Variants in COL22A1 observed in about 807,000 individuals in gnomAD.
COL22A1 encodes the protein collagen type XXII alpha 1 chain.
A neutral mutation model predicts 248.9 loss-of-function variants in COL22A1; 221 were observed. The observed-to-expected ratio is 0.89, with a 90% CI of 0.80 to 0.99. The LOEUF (loss-of-function observed/expected upper bound fraction) is 0.99, where lower values mean the gene tolerates loss of function less well. Among genes scored for constraint, COL22A1 ranks in the 50% least tolerant of loss-of-function variants. The pLI is 0.00. For synonymous variants in COL22A1, 891 were observed against 793.4 expected (o/e 1.12, Z -2.07); for missense variants, 2,240 against 2,179.0 (o/e 1.03, Z -0.56).
chr8:138,796,389 CTTTTTTTTTTTTTTTTT>C lies in COL22A1; in HGVS notation c.1596+413_1596+429del, dbSNP rs11284610. Among the ~76,000 whole-genome samples, 27 of 26,318 alleles carry C rather than the reference CTTTTTTTTTTTTTTTTT, an allele frequency of 1.0e-3. 1 individual carries two copies. Among genetic ancestry groups the C allele is most frequent in the African/African-American group, 3.5e-3 (26 of 7,466 alleles). 17.3% of individuals were successfully genotyped at this position (26,318 alleles called of 152,430 possible). ...TTTTTTTCTCTTGCTTGCTACTTTC[CTTTTTTTTTTTTTTTTT>C]TTTTTTTTTTTTGGTTTTTGGCATT... On this transcript the variant is annotated intron_variant, in intron 12 of 64. Transcript: ENST00000303045.
intron 16 of COL22A1, among the ~76,000 whole-genome samples, chr8:138,769,833 C>T (rs144924476): frequency 1.3e-5 from 2 of 152,334 alleles, no homozygotes; most frequent in Non-Finnish European, 2.9e-5. Flanking sequence ...ATAAGGCTGA[C>T]TTGGGAGCCA....
At chr8:138,729,554 C>T (rs989639922) in intron 23 of COL22A1, among the ~76,000 whole-genome samples, 8 of 152,212 alleles carry the variant, frequency 5.3e-5, no homozygotes, top group African/African-American at 1.9e-4. Context: ...GAGAGAGAAG[C>T]TGGAAGCAGC....
chr8:138,798,193 G>T (rs1160875370), intron 11 of COL22A1, among the ~76,000 whole-genome samples: 1 of 151,460 alleles, frequency 6.6e-6, no homozygotes, highest in Non-Finnish European at 1.5e-5. Flanking sequence ...CTATAGACAG[G>T]ATATAGTTTG....
At chr8:138,744,403 C>G (rs1831940415) in intron 22 of COL22A1, among the ~76,000 whole-genome samples, 1 of 151,948 alleles carries the variant, frequency 6.6e-6, no homozygotes, top group Non-Finnish European at 1.5e-5. Flanking sequence ...GGTCCTAGAT[C>G]TATTCAAAGC....
At chr8:138,831,461 C>T (rs1820040836) in intron 5 of COL22A1, among the ~76,000 whole-genome samples, 1 of 152,126 alleles carries the variant, frequency 6.6e-6, no homozygotes, top group African/African-American at 2.4e-5. Context: ...CAGCTAACTT[C>T]AAATTTAACA....
chr8:138,852,968 C>G (rs1406160307), intron 3 of COL22A1, among the ~76,000 whole-genome samples: 2 of 150,656 alleles, frequency 1.3e-5, no homozygotes, highest in Admixed American at 1.3e-4. Context: ...CATGGTGAAA[C>G]CCCATATCTA....
At chr8:138,748,144 C>A (rs913408436) in intron 22 of COL22A1, among the ~76,000 whole-genome samples, 5 of 152,176 alleles carry the variant, frequency 3.3e-5, no homozygotes, top group Non-Finnish European at 7.3e-5. Context: ...TGCAAGGCCA[C>A]CTCAAACATC....
At chr8:138,733,851 AC>A (rs1183834404) in intron 23 of COL22A1, among the ~76,000 whole-genome samples, 1 of 152,116 alleles carries the variant, frequency 6.6e-6, no homozygotes. Context: ...TGAGAGTAGG[AC>A]CCTGATCTGC....
intron 60 of COL22A1, among the ~76,000 whole-genome samples, chr8:138,601,569 C>T (rs923689151): frequency 6.6e-5 from 10 of 152,042 alleles, no homozygotes; most frequent in African/African-American, 1.4e-4. Context: ...AGTGTGAGAA[C>T]GCGTCCGCCT....
chr8:138,755,453 C>A (rs749784577), intron 20 of COL22A1, 29 bp downstream of exon 20: 1 of 1,609,010 alleles, frequency 6.2e-7, no homozygotes, highest in South Asian at 1.1e-5. Context: ...CCTAAATCCC[C>A]ATGAGAAGAA....
At chr8:138,802,011 G>T (rs1057256288) in intron 11 of COL22A1, among the ~76,000 whole-genome samples, 4 of 152,188 alleles carry the variant, frequency 2.6e-5, no homozygotes, top group Non-Finnish European at 4.4e-5. Flanking sequence ...ATGCAGGAGG[G>T]CAGAGGTTAG....
At chr8:138,729,055 G>A (rs1008236091) in intron 23 of COL22A1, among the ~76,000 whole-genome samples, 5 of 152,192 alleles carry the variant, frequency 3.3e-5, no homozygotes, top group African/African-American at 1.2e-4. Context: ...CCTCCATTCA[G>A]TGTATGCTCC....
chr8:138,627,385 G>T (rs1820330979), intron 50 of COL22A1, among the ~76,000 whole-genome samples: 1 of 152,156 alleles, frequency 6.6e-6, no homozygotes, highest in African/African-American at 2.4e-5. Flanking sequence ...TTTGCATGTT[G>T]TCTATGGCTG....
rs544755519 is a variant in COL22A1 at position 138,668,404 on chromosome 8, A to G, written c.3151-4664T>C. On this transcript the variant is annotated intron_variant, in intron 41 of 64. Transcript: ENST00000303045. ...AATAAAAATTTATATATACACACAC[A>G]CACACACATGCACATATATATCACA... Among the ~76,000 whole-genome samples the G allele has an allele frequency of 3.3e-5, 5 of 152,306 alleles. No individual in the cohort carries two copies. In the South Asian group the frequency reaches 1.0e-3, roughly 32 times the overall value.
intron 12 of COL22A1, among the ~76,000 whole-genome samples, chr8:138,785,595 T>C (rs1217928111): frequency 1.3e-5 from 2 of 152,198 alleles, no homozygotes; most frequent in African/African-American, 4.8e-5. Context: ...TCTGGTGGGT[T>C]GGGCAACCCT....
intron 30 of COL22A1, 96 bp downstream of exon 30, chr8:138,715,586 A>T (rs1829366542): frequency 5.1e-6 from 4 of 782,998 alleles, no homozygotes; most frequent in Admixed American, 6.0e-5. Flanking sequence ...AAAAAAAAAA[A>T]AAAAAAGATA....
chr8:138,655,445 A>C (rs1823156198), intron 45 of COL22A1, among the ~76,000 whole-genome samples: 1 of 152,024 alleles, frequency 6.6e-6, no homozygotes, highest in South Asian at 2.1e-4. Flanking sequence ...TGCAGCCTCT[A>C]CCTCCCGGGC....
At chr8:138,658,149 G>C (rs1823460014) in intron 44 of COL22A1, among the ~76,000 whole-genome samples, 2 of 152,196 alleles carry the variant, frequency 1.3e-5, no homozygotes, top group Admixed American at 6.5e-5. Flanking sequence ...CAGCACTGGA[G>C]AAACACTTTG....
chr8:138,875,692 T>C (rs569735396), intron 3 of COL22A1, among the ~76,000 whole-genome samples: 13 of 152,118 alleles, frequency 8.5e-5, no homozygotes, highest in Non-Finnish European at 1.6e-4. Context: ...ATCACTCCTC[T>C]TTCCCCACCT....
Sources: allele counts gnomAD v4.1 joint callset (sites outside exome capture counted in the v4.1 genomes callset), GRCh38; gene constraint gnomAD v4.1.1; transcripts MANE v1.5; gene names NCBI Gene and HGNC (gene_info 2026-07-23, HGNC 2026-07-21).